TVP23A: variants seen among roughly 807,000 people sequenced by gnomAD.
TVP23A encodes Golgi apparatus membrane protein TVP23 homolog A.
In TVP23A, 21 loss-of-function variants were observed where a neutral mutation model predicts 31.7. That is an observed-to-expected ratio of 0.66 (90% CI 0.47 to 0.95). The LOEUF (loss-of-function observed/expected upper bound fraction) is 0.95, where lower values mean the gene tolerates loss of function less well. TVP23A is among the 40% of genes least tolerant of loss of function. The pLI is 0.00. For synonymous variants in TVP23A, 104 were observed against 96.0 expected (o/e 1.08, Z -0.49); for missense variants, 279 against 255.6 (o/e 1.09, Z -0.62).
At chr16:10,776,164 C>T (rs2032006020) in intron 2 of TVP23A, among the ~76,000 whole-genome samples, 1 of 151,432 alleles carries the variant, frequency 6.6e-6, no homozygotes, top group Non-Finnish European at 1.5e-5. Context: ...CACCTGAGGT[C>T]AGGAGTTCAA....
At chr16:10,812,280 G>A (rs2034240880) in intron 2 of TVP23A, among the ~76,000 whole-genome samples, 1 of 152,240 alleles carries the variant, frequency 6.6e-6, no homozygotes. Context: ...AGGATGCGGA[G>A]AAACTGGGAC....
intron 2 of TVP23A, among the ~76,000 whole-genome samples, chr16:10,806,181 A>G (rs2033935076): frequency 6.6e-6 from 1 of 152,134 alleles, no homozygotes; most frequent in South Asian, 2.1e-4. Flanking sequence ...CGTCTCTACT[A>G]AAAATACAAA....
chr16:10,762,151 C>T (rs143615172), downstream of TVP23A: 361 of 268,430 alleles, frequency 1.3e-3, 1 homozygote, highest in African/African-American at 7.1e-3. Flanking sequence ...GGAGGGCACC[C>T]GATAGAGGGG....
chr16:10,810,816 C>G (rs865931444), intron 2 of TVP23A, among the ~76,000 whole-genome samples: 1 of 152,158 alleles, frequency 6.6e-6, no homozygotes, highest in Non-Finnish European at 1.5e-5. Context: ...ACACTGTAGG[C>G]TCCCCTGGTT....
Position 10,770,579 on chromosome 16 carries a change from A to C in TVP23A, c.583-248T>G, listed in dbSNP as rs543052770. ...ATCTATTAAGTTAAAAAAAAAAAAC[A>C]AAACAAAAACAAGCTGGGCACGGTA... On this transcript the variant is annotated intron_variant, in intron 6 of 7. Transcript: ENST00000299866. 2.0e-4 allele frequency among the ~76,000 whole-genome samples: 27 copies of C among 132,500 alleles called. No homozygotes were observed. The East Asian group carries it at 5.5e-3, about 27-fold the overall frequency. 86.9% of individuals were successfully genotyped at this position (132,500 alleles called of 152,430 possible).
chr16:10,761,510 T>G, exon 9 of TVP23A: 16 of 1,548,602 alleles, frequency 1.0e-5, no homozygotes, highest in African/African-American at 1.4e-5. Context: ...GAGCAAGATC[T>G]TGCTCTCATG....
intron 2 of TVP23A, among the ~76,000 whole-genome samples, chr16:10,790,263 CAT>C (rs2142987387): frequency 6.7e-6 from 1 of 149,554 alleles, no homozygotes; most frequent in South Asian, 2.1e-4. Context: ...GACAAAGAAA[CAT>C]GTCTTGGGGT....
chr16:10,769,140 GCGAGGCACT>G, intron 7 of TVP23A, 39 bp from the exon 8 acceptor site: 1 of 1,606,112 alleles, frequency 6.2e-7, no homozygotes, highest in Non-Finnish European at 8.5e-7. Context: ...CAGTTACCGA[GCGAGGCACT>G]CACTGGGCAG....
intron 2 of TVP23A, among the ~76,000 whole-genome samples, chr16:10,778,472 G>A (rs950592708): frequency 5.9e-5 from 9 of 152,170 alleles, no homozygotes; most frequent in African/African-American, 2.2e-4. Flanking sequence ...TGCCCCTGGA[G>A]ATAAATAAAT....
intron 2 of TVP23A, among the ~76,000 whole-genome samples, chr16:10,816,052 T>C (rs181672931): frequency 2.0e-5 from 3 of 151,962 alleles, no homozygotes; most frequent in Admixed American, 1.3e-4. Flanking sequence ...CAAGACCCCA[T>C]CTCTACAAAA....
At chr16:10,807,537 T>C (rs1299656930) in intron 2 of TVP23A, among the ~76,000 whole-genome samples, 1 of 152,146 alleles carries the variant, frequency 6.6e-6, no homozygotes. Flanking sequence ...TTTTTCATTG[T>C]CACATCTGAG....
downstream of TVP23A, among the ~76,000 whole-genome samples, chr16:10,758,524 A>C (rs1900726258): frequency 6.6e-6 from 1 of 152,200 alleles, no homozygotes; most frequent in South Asian, 2.1e-4. Flanking sequence ...TTTGCAGCTG[A>C]CAACCATTCA....
chr16:10,818,422 A>G lies in TVP23A; in HGVS notation c.9+63T>C, dbSNP rs1017102821. The G allele has an allele frequency of 2.5e-6, 4 of 1,581,152 alleles. No individual in the cohort carries two copies. The highest frequency in any genetic ancestry group is 1.8e-5 in the Admixed American group (1 of 56,864). On this transcript the variant is annotated intron_variant, in intron 1 of 7. Transcript: ENST00000299866. The surrounding 1 kb of genome is among the most constrained non-coding windows in gnomAD (Gnocchi z 4.7). ...CCCTCCTCCTCCTCCCGGCTTCTCC[A>G]GCGCTCCCGCAGGCTCCCCTCGTCC...
chr16:10,805,773 C>G (rs1379247388), intron 2 of TVP23A, among the ~76,000 whole-genome samples: 1 of 151,836 alleles, frequency 6.6e-6, no homozygotes, highest in Non-Finnish European at 1.5e-5. Context: ...AGGGACCAAG[C>G]CTATCTGGTT....
intron 2 of TVP23A, among the ~76,000 whole-genome samples, chr16:10,790,513 C>T (rs946774147): frequency 1.3e-5 from 2 of 152,110 alleles, no homozygotes; most frequent in African/African-American, 4.8e-5. Flanking sequence ...TCTTGATCTC[C>T]TCACCTTGTG....
chr16:10,814,493 C>T lies in TVP23A; in HGVS notation c.89+3610G>A, dbSNP rs759306159. ...CCCCACATCTTGACCACCAGCAAGG[C>T]GGGCCGATTCTACCTCCCCTGTGCC... On this transcript the variant is annotated intron_variant, in intron 2 of 7. Coordinates refer to ENST00000299866, the MANE Select transcript of TVP23A (RefSeq NM_001079512.4). Among the ~76,000 whole-genome samples, 25 of 152,128 alleles carry T rather than the reference C, an allele frequency of 1.6e-4. 1 individual carries two copies. Among genetic ancestry groups the T allele is most frequent in the African/African-American group, 2.4e-4 (10 of 41,412 alleles).
At chr16:10,778,295 C>A (rs1196272542) in intron 2 of TVP23A, among the ~76,000 whole-genome samples, 1 of 151,276 alleles carries the variant, frequency 6.6e-6, no homozygotes, top group Non-Finnish European at 1.5e-5. Flanking sequence ...GATGATGCCA[C>A]TGCACTCCAG....
chr16:10,769,303 G>A (rs2031356498), intron 7 of TVP23A: 1 of 540,398 alleles, frequency 1.9e-6, no homozygotes, highest in African/African-American at 1.9e-5. Flanking sequence ...TATATAAAGG[G>A]CATTCTCTAC....
intron 2 of TVP23A, among the ~76,000 whole-genome samples, chr16:10,783,803 A>G (rs562816284): frequency 6.6e-6 from 1 of 152,316 alleles, no homozygotes; most frequent in Admixed American, 6.5e-5. Flanking sequence ...GGAACCTTAA[A>G]TGTGTATTGC....
Sources: allele counts gnomAD v4.1 joint callset (sites outside exome capture counted in the v4.1 genomes callset), GRCh38; gene constraint gnomAD v4.1.1; non-coding constraint Gnocchi (gnomAD v3.1); transcripts MANE v1.5; gene names NCBI Gene and HGNC (gene_info 2026-07-23, HGNC 2026-07-21).